PRKG1: variants seen among roughly 807,000 people sequenced by gnomAD.
PRKG1 encodes cGMP-dependent protein kinase 1.
In PRKG1, 35 loss-of-function variants were observed where a neutral mutation model predicts 88.1. That is an observed-to-expected ratio of 0.40 (90% CI 0.30 to 0.53). The LOEUF (loss-of-function observed/expected upper bound fraction) is 0.53, where lower values mean the gene tolerates loss of function less well. PRKG1 is among the 20% of genes least tolerant of loss of function. PRKG1 has a pLI of 0.59. For synonymous variants in PRKG1, 303 were observed against 292.5 expected, an observed-to-expected ratio of 1.04 and a Z score of -0.37; for missense variants, 540 against 839.8, an observed-to-expected ratio of 0.64 and a Z score of 4.41.
At chr10:51,869,166 T>C (rs1279300043) in intron 4 of PRKG1, among the ~76,000 whole-genome samples, 1 of 152,240 alleles carries the variant, frequency 6.6e-6, no homozygotes, top group Non-Finnish European at 1.5e-5. Context: ...TGCACCTTTC[T>C]TAGTTTAGTT....
chr10:52,063,839 C>T (rs1046643015), intron 7 of PRKG1, among the ~76,000 whole-genome samples: 1 of 151,958 alleles, frequency 6.6e-6, no homozygotes, highest in Non-Finnish European at 1.5e-5. Flanking sequence ...TCATCTGCAG[C>T]TCTCAGCAGA....
intron 3 of PRKG1, among the ~76,000 whole-genome samples, chr10:51,609,518 A>G (rs1328411301): frequency 6.6e-6 from 1 of 152,208 alleles, no homozygotes; most frequent in Admixed American, 6.5e-5. Flanking sequence ...AAATCATTCT[A>G]TTACAAAGAT....
Position 52,186,389 on chromosome 10 carries a change from T to C in PRKG1, c.1076+24426T>C, listed in dbSNP as rs528169170. 2.6e-5 allele frequency among the ~76,000 whole-genome samples: 4 copies of C among 152,218 alleles called. No individual in the cohort carries two copies. In the South Asian group the frequency reaches 8.3e-4, roughly 32 times the overall value. ...ACTGTTGCTTGGTGTGATTTGCCCCTATGATCCAATCACCTCCTGCTATTC... is the reference window on the plus strand; with the variant it reads ...ACTGTTGCTTGGTGTGATTTGCCCCCATGATCCAATCACCTCCTGCTATTC... On this transcript the variant is annotated intron_variant, in intron 9 of 17. Transcript: ENST00000373980.
intron 5 of PRKG1, among the ~76,000 whole-genome samples, chr10:52,020,999 G>A (rs1336218648): frequency 6.6e-6 from 1 of 152,134 alleles, no homozygotes; most frequent in Non-Finnish European, 1.5e-5. Flanking sequence ...TTGCCAAACT[G>A]TCACCTGACA....
At chr10:51,599,399 C>T (rs1838540176) in intron 3 of PRKG1, among the ~76,000 whole-genome samples, 1 of 152,160 alleles carries the variant, frequency 6.6e-6, no homozygotes, top group South Asian at 2.1e-4. Context: ...TGTTCTAGAC[C>T]TATTCTTCCA....
intron 2 of PRKG1, among the ~76,000 whole-genome samples, chr10:51,280,659 G>A (rs1039317631): frequency 2.0e-5 from 3 of 152,046 alleles, no homozygotes; most frequent in Non-Finnish European, 4.4e-5. Flanking sequence ...GATCCAATTG[G>A]CTACTGAAAC....
At chr10:51,892,902 G>A (rs997585527) in intron 4 of PRKG1, among the ~76,000 whole-genome samples, 9 of 152,154 alleles carry the variant, frequency 5.9e-5, no homozygotes, top group Admixed American at 2.0e-4. Context: ...CATTAGTGCA[G>A]CCATTAAATA....
At chr10:51,428,680 G>A (rs764659958) in intron 2 of PRKG1, among the ~76,000 whole-genome samples, 1 of 152,166 alleles carries the variant, frequency 6.6e-6, no homozygotes, top group Non-Finnish European at 1.5e-5. Context: ...AAGTCTACCA[G>A]GAAAGGGCAT....
chr10:52,063,000 C>T (rs1371547440), intron 7 of PRKG1: 1 of 553,580 alleles, frequency 1.8e-6, no homozygotes, highest in African/African-American at 1.9e-5. Context: ...ATCCCTAAAC[C>T]TGTTTGTACA....
intron 8 of PRKG1, among the ~76,000 whole-genome samples, chr10:52,157,856 C>A (rs1199806544): frequency 6.6e-6 from 1 of 151,458 alleles, no homozygotes; most frequent in Non-Finnish European, 1.5e-5. Context: ...GTCTAAACTA[C>A]CATCATTAAA....
intron 1 of PRKG1, among the ~76,000 whole-genome samples, chr10:51,122,050 TC>T (rs1453380120): frequency 1.3e-5 from 2 of 152,160 alleles, no homozygotes; most frequent in African/African-American, 4.8e-5. Flanking sequence ...ACCCCTAGCA[TC>T]ATGTCGCTGC....
At chr10:52,239,257 C>G (rs1312325145) in intron 9 of PRKG1, among the ~76,000 whole-genome samples, 2 of 139,214 alleles carry the variant, frequency 1.4e-5, no homozygotes, top group African/African-American at 2.6e-5. Context: ...ACCGGCATGG[C>G]ACATGTATAC....
intron 3 of PRKG1, among the ~76,000 whole-genome samples, chr10:51,749,743 T>G (rs1204204411): frequency 6.6e-6 from 1 of 152,106 alleles, no homozygotes; most frequent in Non-Finnish European, 1.5e-5. Context: ...TCCCAACATC[T>G]TTTGCTAGAT....
intron 4 of PRKG1, among the ~76,000 whole-genome samples, chr10:51,878,273 A>G (rs1424147586): frequency 8.0e-6 from 1 of 124,620 alleles, no homozygotes; most frequent in African/African-American, 3.2e-5. Flanking sequence ...TGTATCCAGC[A>G]CTGCTCACCA....
intron 1 of PRKG1, among the ~76,000 whole-genome samples, chr10:51,075,124 T>TACA (rs1159101700): frequency 6.6e-6 from 1 of 152,230 alleles, no homozygotes; most frequent in African/African-American, 2.4e-5. Flanking sequence ...TGTCAAGGTA[T>TACA]TATTTTTAAA....
chr10:51,244,308 C>CA (rs887012707), intron 2 of PRKG1, among the ~76,000 whole-genome samples: 1 of 136,678 alleles, frequency 7.3e-6, no homozygotes, highest in African/African-American at 2.7e-5. Flanking sequence ...CCCTTTCTTC[C>CA]TTTTTTTTTT....
chr10:51,568,773 A>C (rs1184336648), intron 3 of PRKG1: 1 of 151,762 alleles, frequency 6.6e-6, no homozygotes, highest in Non-Finnish European at 1.5e-5. Context: ...TACATTTTAC[A>C]CTCCATATAC....
chr10:51,547,278 A>G lies in PRKG1; in HGVS notation c.592+79442A>G, dbSNP rs139632288. On this transcript the variant is annotated intron_variant, in intron 3 of 17. Transcript: ENST00000373980. ...ATCAGTAAGAACTTTCATTGATCCT[A>G]TAAAATATATCAGTCAAAACATCTA... is the stretch of plus-strand genomic sequence containing the variant. Among the ~76,000 whole-genome samples, 15 of 152,252 alleles carry G rather than the reference A, an allele frequency of 9.9e-5. No homozygotes were observed. In the East Asian group the frequency reaches 1.4e-3, roughly 14 times the overall value.
At chr10:51,987,144 T>C (rs995688001) in intron 5 of PRKG1, among the ~76,000 whole-genome samples, 1 of 152,148 alleles carries the variant, frequency 6.6e-6, no homozygotes, top group African/African-American at 2.4e-5. Context: ...AGAAGCATCA[T>C]ATTAAAAAAT....
Sources: gnomAD v4.1 joint callset for allele counts (sites outside exome capture counted in the v4.1 genomes callset) on GRCh38, gnomAD v4.1.1 for gene constraint, MANE v1.5 for transcripts, NCBI Gene and HGNC (gene_info 2026-07-23, HGNC 2026-07-21) for gene names.